TTN: variants seen among roughly 807,000 people sequenced by gnomAD.
TTN encodes titin.
A neutral mutation model predicts 3,223.0 loss-of-function variants in TTN; 1,525 were observed. That is an observed-to-expected ratio of 0.47 (90% CI 0.45 to 0.49). The LOEUF (loss-of-function observed/expected upper bound fraction) is 0.49. Among genes scored for constraint, TTN ranks in the 20% least tolerant of loss-of-function variants. The pLI, the probability that TTN is intolerant of heterozygous loss-of-function variation, is 0.00. For synonymous variants in TTN, 14,094 were observed against 15,161.0 expected (o/e 0.93, Z 5.17); for missense variants, 40,786 against 43,424.0 (o/e 0.94, Z 5.40).
At position 178,748,156 on chromosome 2, in the gene TTN, A is replaced by G. The variant is rs139669372; in HGVS notation, c.11311+4968T>C. On this transcript the variant is annotated intron_variant, in intron 47 of 362. Coordinates refer to ENST00000589042, the MANE Select transcript of TTN (RefSeq NM_001267550.2). Reference sequence around the variant, plus strand: ...TTTCTAGAGGACAACTTTTCTCAGAAAGATCAGTTTCTTCTATATCTGCAG... The same window carrying G: ...TTTCTAGAGGACAACTTTTCTCAGAGAGATCAGTTTCTTCTATATCTGCAG... 0.011 allele frequency: 18,350 copies of G among 1,613,192 alleles called. 143 individuals are homozygous for G. Among genetic ancestry groups the G allele is most frequent in the Non-Finnish European group, 0.014 (16,430 of 1,179,558 alleles).
At chr2:178,715,866 G>C in intron 88 of TTN, 92 bp from the exon 89 acceptor site, 4 of 1,302,506 alleles carry the variant, frequency 3.1e-6, no homozygotes, top group African/African-American at 1.5e-5. Context: ...TGCTAGAGAG[G>C]TCTTTAGCTC....
chr2:178,547,277 C>T lies in TTN; in HGVS notation c.94248G>A (p.Glu31416=). ...FVPPSAPTRP[E]VYHVSANAMS... is the part of the protein sequence containing the mutation. ...TGGCATTGGCAGACACATGGTAGAC[C>T]TCAGGTCTGGTAGGAGCGCTTGGTG... is the stretch of plus-strand genomic sequence containing the variant. The change falls in exon 340 of 363, where the codon GAG becomes GAA. Residue 31416 remains glutamate, a synonymous_variant. Coordinates refer to ENST00000589042, the MANE Select transcript of TTN (RefSeq NM_001267550.2). 5 of 1,612,832 alleles carry T rather than the reference C, an allele frequency of 3.1e-6. No individual in the cohort carries two copies. The highest frequency in any genetic ancestry group is 1.3e-5 in the African/African-American group (1 of 74,948).
chr2:178,690,438 G>T (rs1432455351), intron 121 of TTN, among the ~76,000 whole-genome samples: 1 of 152,080 alleles, frequency 6.6e-6, no homozygotes, highest in East Asian at 1.9e-4. Flanking sequence ...CTCTCAATCT[G>T]ATACCCATGT....
rs1332632767 is a variant in TTN, at chr2:178,612,771, A to T, written c.49948+2T>A. The T allele has an allele frequency of 6.2e-7, 1 of 1,608,086 alleles. No individual in the cohort carries two copies. Among genetic ancestry groups the T allele is most frequent in the Admixed American group, 1.7e-5 (1 of 58,860 alleles). ...ATATCCCAGACATCAAGAGTGACTT[A>T]CATAGCTTCTCCCGGCAAAGCACAG... On this transcript the variant is annotated splice_donor_variant, in intron 265 of 362. Transcript: ENST00000589042. LOFTEE classifies it high-confidence loss of function.
At position 178,533,336 on chromosome 2, in the gene TTN, A is replaced by C; in HGVS notation, c.103279T>G (p.Leu34427Val). ...CTATAATAACCCGTGTCTTCAGGCA[A>C]AGTGTCCCTGATGTGCAGAGCATAA... The part of the protein sequence containing the change: ...DYYALHIRDT[L>V]PEDTGYYRVT... Residue 34427 changes from leucine (L) to valine (V), a missense_variant, in exon 358 of 363, where the codon TTG (leucine) becomes GTG (valine). Transcript: ENST00000589042. The C allele has an allele frequency of 6.2e-7, 1 of 1,613,758 alleles. No homozygotes were observed. Among genetic ancestry groups the C allele is most frequent in the Non-Finnish European group, 8.5e-7 (1 of 1,179,852 alleles).
chr2:178,718,245 A>G, intron 85 of TTN, 24 bp from the exon 86 acceptor site: 2 of 1,592,718 alleles, frequency 1.3e-6, no homozygotes, highest in South Asian at 2.3e-5. Context: ...GATGGTAGTC[A>G]GCAAGTCAGT....
At chr2:178,595,940 A>G (rs1462032383) in intron 294 of TTN, 131 bp from the exon 295 acceptor site, 2 of 742,566 alleles carry the variant, frequency 2.7e-6, no homozygotes, top group African/African-American at 3.7e-5. Context: ...TAATTGAGTT[A>G]GTTTTTCCTT....
At position 178,710,824 on chromosome 2, in the gene TTN, G is replaced by A; in HGVS notation, c.28273C>T (p.Pro9425Ser). 1 of 1,613,838 alleles carries A rather than the reference G, an allele frequency of 6.2e-7. No homozygotes were observed. Among genetic ancestry groups the A allele is most frequent in the Non-Finnish European group, 8.5e-7 (1 of 1,179,828 alleles). Reference protein sequence around the residue: ...DFECHVTGTQPIKVSWAKDSR... With the variant: ...DFECHVTGTQSIKVSWAKDSR... ...TCTTTGGCCCAGCTGACCTTTATCG[G>A]TTGTGTGCCCGTGACGTGGCACTCA... Residue 9425 changes from proline (P) to serine (S), a missense_variant, in exon 98 of 363, where the codon CCG becomes TCG. Physicochemically the swap from Pro to Ser is moderately conservative, Grantham distance 74. Coordinates refer to ENST00000589042, the MANE Select transcript of TTN (RefSeq NM_001267550.2).
chr2:178,531,076 G>T lies in TTN; in HGVS notation c.105539C>A (p.Thr35180Lys), dbSNP rs1575225765. 1 of 1,614,020 alleles carries T rather than the reference G, an allele frequency of 6.2e-7. No homozygotes were observed. The highest frequency in any genetic ancestry group is 8.5e-7 in the Non-Finnish European group (1 of 1,179,892). ...GATCTCAAAGGTTGATTTGTACTTT[G>T]TGGTGGTCACTTGGTGGCGGGCAGA... ...STSARHQVTT[T>K]KYKSTFEISS... is the part of the protein sequence containing the mutation. Residue 35180 changes from threonine to lysine, a missense_variant, in exon 358 of 363, where the codon ACA becomes AAA. Coordinates refer to ENST00000589042, the MANE Select transcript of TTN (RefSeq NM_001267550.2).
At chr2:178,595,937 G>T in intron 294 of TTN, 128 bp from the exon 295 acceptor site, 5 of 728,856 alleles carry the variant, frequency 6.9e-6, no homozygotes, top group Non-Finnish European at 8.3e-6. Flanking sequence ...TACTAATTGA[G>T]TTAGTTTTTC....
rs367755163 is a variant in TTN at position 178,545,932 on chromosome 2, G to A, written c.95304C>T (p.Val31768=). The A allele has an allele frequency of 2.5e-5, 41 of 1,613,864 alleles. No homozygotes were observed. The highest frequency in any genetic ancestry group is 2.5e-4 in the African/African-American group (19 of 75,042). ...CATTGTTCTTGATGAGCCTGGTAAC[G>A]ACATAGGATAGGGTTGGGCATTCGC... ...VEGECPTLSY[V]VTRLIKNNEY... Residue 31768 remains valine (V), a synonymous_variant, in exon 343 of 363, where the codon GTC becomes GTT. Transcript: ENST00000589042.
In TTN at chr2:178,542,843, A is replaced by C. The variant is rs2154142962; in HGVS notation, c.97011T>G (p.Ala32337=). 1.2e-6 allele frequency: 2 copies of C among 1,613,870 alleles called. No individual in the cohort carries two copies. Among genetic ancestry groups the C allele is most frequent in the East Asian group, 4.5e-5 (2 of 44,860 alleles). Residue 32337 remains alanine, a synonymous_variant, in exon 348 of 363, where the codon GCT becomes GCG. Coordinates refer to ENST00000589042, the MANE Select transcript of TTN (RefSeq NM_001267550.2). ...TAGAACCAGCAAAGAACCAGGAAGC[A>C]GCAGGAGGTGGACGGCCAGCAATAG... ...VIPIAGRPPP[A]ASWFFAGSKL...
In TTN at chr2:178,779,012, T is replaced by C; in HGVS notation, c.4070A>G (p.Glu1357Gly). The C allele has an allele frequency of 6.2e-7, 1 of 1,613,800 alleles. No homozygotes were observed. Among genetic ancestry groups the C allele is most frequent in the Non-Finnish European group, 8.5e-7 (1 of 1,179,880 alleles). Residue 1357 changes from glutamate to glycine, a missense_variant, in exon 24 of 363, where the codon GAA (glutamate) becomes GGA (glycine). Glu to Gly is a moderately conservative substitution (Grantham distance 98, BLOSUM62 -2). Transcript: ENST00000589042. ...AAATGCAGTGTAGATTCCTTCATCT[T>C]CTGGAAGAACAACAGGTATACGCAG... is the stretch of plus-strand genomic sequence containing the variant. ...ASLRIPVVLP[E>G]DEGIYTAFAS...
In TTN at chr2:178,785,921, G is replaced by C; in HGVS notation, c.2297C>G (p.Pro766Arg). The change falls in exon 14 of 363, where the codon CCT becomes CGT. Residue 766 changes from proline to arginine, a missense_variant. Physicochemically the swap from Pro to Arg is moderately radical, Grantham distance 103. Coordinates refer to ENST00000589042, the MANE Select transcript of TTN (RefSeq NM_001267550.2). Reference sequence around the variant, plus strand: ...CTCAGAAGGAGCCTGGATTACTCTAGGCTTGACTGCTTTAGGGACAACGTG... The same window carrying C: ...CTCAGAAGGAGCCTGGATTACTCTACGCTTGACTGCTTTAGGGACAACGTG... The part of the protein sequence containing the change: ...EPHVVPKAVK[P>R]RVIQAPSETH... The C allele has an allele frequency of 6.2e-7, 1 of 1,614,082 alleles. No homozygotes were observed. Among genetic ancestry groups the C allele is most frequent in the East Asian group, 2.2e-5 (1 of 44,860 alleles).
At chr2:178,704,473 A>C in intron 105 of TTN, 37 bp downstream of exon 105, 1 of 1,597,630 alleles carries the variant, frequency 6.3e-7, no homozygotes. Flanking sequence ...CAGTAATTTA[A>C]ATCTCACAAG....
chr2:178,740,714 C>T lies in TTN; in HGVS notation c.12519G>A (p.Glu4173=), dbSNP rs1273730031. Reference sequence around the variant, plus strand: ...CGGTATCTGATAGAACTGCCTGTGTCTCAGGCTCTTCAGGCATTAGAATAC... The same window carrying T: ...CGGTATCTGATAGAACTGCCTGTGTTTCAGGCTCTTCAGGCATTAGAATAC... ...KEGILMPEEP[E]TQAVLSDTEK... Residue 4173 remains glutamate (E), a synonymous_variant, in exon 48 of 363, where the codon GAG becomes GAA. Transcript: ENST00000589042. 1 of 1,613,734 alleles carries T rather than the reference C, an allele frequency of 6.2e-7. No individual in the cohort carries two copies. Among genetic ancestry groups the T allele is most frequent in the Non-Finnish European group, 8.5e-7 (1 of 1,179,836 alleles).
At chr2:178,726,800 C>T (rs2079421693) in intron 69 of TTN, 1 of 269,830 alleles carries the variant, frequency 3.7e-6, no homozygotes, top group Non-Finnish European at 6.9e-6. Flanking sequence ...TTTTAAAATG[C>T]CTACTTCATT....
rs1198302785 is a variant in TTN at position 178,719,984 on chromosome 2, T to G, written c.23658A>C (p.Leu7886=). ...MRECSAVLTV[L]EPARIIEKPE... ...CTCTGGCTGTGCTTTGCTACTAACC[T>G]AGTACAGTCAAGACTGCAGAGCATT... Residue 7886 remains leucine (L), a splice_region_variant and synonymous_variant, in exon 81 of 363, where the codon CTA becomes CTC. Coordinates refer to ENST00000589042, the MANE Select transcript of TTN (RefSeq NM_001267550.2). 6.2e-7 allele frequency: 1 copy of G among 1,604,398 alleles called. No individual in the cohort carries two copies. Among genetic ancestry groups the G allele is most frequent in the Non-Finnish European group, 8.5e-7 (1 of 1,174,668 alleles).
At chr2:178,746,214 C>A (rs1402607835) in intron 47 of TTN, 1 of 1,612,786 alleles carries the variant, frequency 6.2e-7, no homozygotes, top group East Asian at 2.2e-5. Context: ...AATACAGCAT[C>A]TGAATTTTCT....
Sources: allele counts gnomAD v4.1 joint callset (sites outside exome capture counted in the v4.1 genomes callset), GRCh38; gene constraint gnomAD v4.1.1; transcripts MANE v1.5; gene names NCBI Gene and HGNC (gene_info 2026-07-23, HGNC 2026-07-21).